ZNF469: variants seen among roughly 807,000 people sequenced by gnomAD.
ZNF469 encodes zinc finger protein 469.
Under a neutral mutation model 1.0 loss-of-function variants are expected in ZNF469, and 1 was observed. The ratio of observed to expected loss-of-function variants is 1.00; its 90% CI spans 0.35 to 4.73. ZNF469 has a LOEUF of 4.73. ZNF469 is among the 30% of genes most tolerant of loss of function. The pLI is 0.16. For synonymous variants in ZNF469, 2,703 were observed against 2,363.4 expected, an observed-to-expected ratio of 1.14 and a Z score of -4.17; for missense variants, 6,100 against 5,356.3, an observed-to-expected ratio of 1.14 and a Z score of -4.33.
chr16:88,401,589 A>G (rs1904862917), intron 1 of ZNF469, among the ~76,000 whole-genome samples: 1 of 100,658 alleles, frequency 9.9e-6, no homozygotes, highest in Non-Finnish European at 2.1e-5. Flanking sequence ...GTGGATGAAT[A>G]GGTAGATGGA....
the ZNF469 span, among the ~76,000 whole-genome samples, chr16:88,108,097 G>C: frequency 2.0e-5 from 3 of 151,634 alleles, no homozygotes; most frequent in Admixed American, 2.0e-4. Context: ...AAGGACATTT[G>C]CACGTCTGTG....
the ZNF469 span, among the ~76,000 whole-genome samples, chr16:88,184,260 T>G: frequency 0.014 from 2,125 of 152,064 alleles, 67 homozygotes; most frequent in African/African-American, 0.049. Flanking sequence ...TCACGGCAGC[T>G]TGGCACCCAG....
At chr16:88,239,493 T>G in the ZNF469 span, among the ~76,000 whole-genome samples, 1 of 139,142 alleles carries the variant, frequency 7.2e-6, no homozygotes, top group African/African-American at 2.8e-5. Flanking sequence ...TGGTCTCTCT[T>G]TTTTTTTTTT....
chr16:88,322,940 G>A, the ZNF469 span, among the ~76,000 whole-genome samples: 2 of 152,288 alleles, frequency 1.3e-5, no homozygotes, highest in South Asian at 4.1e-4. Context: ...ACAGCTCTCG[G>A]CTCCTCCTGT....
At chr16:88,401,028 A>G (rs1352255163) in intron 1 of ZNF469, among the ~76,000 whole-genome samples, 1 of 152,008 alleles carries the variant, frequency 6.6e-6, no homozygotes, top group African/African-American at 2.4e-5. Context: ...GTCCCCCACC[A>G]AGCCTGGCTC....
At chr16:88,341,370 G>T in the ZNF469 span, among the ~76,000 whole-genome samples, 4 of 152,176 alleles carry the variant, frequency 2.6e-5, no homozygotes, top group Non-Finnish European at 4.4e-5. Flanking sequence ...CCTGGTGGCT[G>T]CTGGGACTCA....
At chr16:88,231,280 G>T in the ZNF469 span, among the ~76,000 whole-genome samples, 1 of 152,202 alleles carries the variant, frequency 6.6e-6, no homozygotes, top group Admixed American at 6.5e-5. The surrounding 1 kb of genome is among the most constrained non-coding windows in gnomAD (Gnocchi z 4.5). Context: ...GGGCTTCACA[G>T]TGCTGAAAAG....
the ZNF469 span, among the ~76,000 whole-genome samples, chr16:88,248,083 G>A: frequency 5.3e-5 from 8 of 152,294 alleles, no homozygotes; most frequent in Admixed American, 1.3e-4. Flanking sequence ...CCACAGCCAG[G>A]TCAGAGACAG....
chr16:88,375,674 C>T, the ZNF469 span, among the ~76,000 whole-genome samples: 3 of 152,314 alleles, frequency 2.0e-5, no homozygotes, highest in East Asian at 1.9e-4. Context: ...TCCTGGGTGC[C>T]GGGCGCCATC....
chr16:88,108,346 G>A, the ZNF469 span, among the ~76,000 whole-genome samples: 14 of 152,288 alleles, frequency 9.2e-5, no homozygotes, highest in East Asian at 1.4e-3. Flanking sequence ...GTGGGACAGC[G>A]TGTCTGGGTC....
At chr16:88,143,588 G>C in the ZNF469 span, among the ~76,000 whole-genome samples, 1 of 152,232 alleles carries the variant, frequency 6.6e-6, no homozygotes, top group African/African-American at 2.4e-5. Context: ...GGAGAAGAAA[G>C]CCAGGAGGTG....
the ZNF469 span, among the ~76,000 whole-genome samples, chr16:88,376,384 G>A: frequency 6.6e-6 from 1 of 152,252 alleles, no homozygotes; most frequent in African/African-American, 2.4e-5. Context: ...GACGTCCGGG[G>A]TGAGAGGGGG....
the ZNF469 span, among the ~76,000 whole-genome samples, chr16:88,191,943 C>T: frequency 2.6e-4 from 39 of 152,198 alleles, 1 homozygote; most frequent in South Asian, 5.2e-3. Flanking sequence ...TAACACCCAG[C>T]GTGATGGTAT....
intron 1 of ZNF469, among the ~76,000 whole-genome samples, chr16:88,392,363 C>G (rs1013547114): frequency 1.3e-5 from 2 of 152,268 alleles, no homozygotes; most frequent in African/African-American, 4.8e-5. Context: ...TGCCAAACGC[C>G]TAGCGTAGGT....
At chr16:88,217,511 T>C in the ZNF469 span, among the ~76,000 whole-genome samples, 3 of 150,012 alleles carry the variant, frequency 2.0e-5, no homozygotes, top group Non-Finnish European at 3.0e-5. Context: ...TACATACGTA[T>C]ACATGTGCCA....
chr16:88,268,920 G>A, the ZNF469 span, among the ~76,000 whole-genome samples: 1 of 152,206 alleles, frequency 6.6e-6, no homozygotes, highest in African/African-American at 2.4e-5. Context: ...GGGATCCTTG[G>A]ACACATAGAG....
the ZNF469 span, among the ~76,000 whole-genome samples, chr16:88,213,773 G>A: frequency 6.6e-6 from 1 of 152,150 alleles, no homozygotes; most frequent in South Asian, 2.1e-4. Context: ...TGGCCTTGCT[G>A]TTTCTGGGGG....
chr16:88,437,220 G>A lies in ZNF469; in HGVS notation c.9750G>A (p.Gly3250=). 1 of 1,549,350 alleles carries A rather than the reference G, an allele frequency of 6.5e-7. No individual in the cohort carries two copies. Among genetic ancestry groups the A allele is most frequent in the Non-Finnish European group, 8.7e-7 (1 of 1,146,466 alleles). The change falls in exon 3 of 3, where the codon GGG becomes GGA. Residue 3250 remains glycine (G), a synonymous_variant. Coordinates refer to ENST00000565624, the MANE Select transcript of ZNF469 (RefSeq NM_001367624.2). ...AGCGCTCCGCCGGCAAGGCCGCCGGGAGCCCGGGAGACCCGTGGGGGCAAG... is the reference window on the plus strand; with the variant it reads ...AGCGCTCCGCCGGCAAGGCCGCCGGAAGCCCGGGAGACCCGTGGGGGCAAG... ...RGKRSAGKAA[G]SPGDPWGQEG...
chr16:88,189,707 G>A, the ZNF469 span, among the ~76,000 whole-genome samples: 3 of 152,200 alleles, frequency 2.0e-5, no homozygotes, highest in South Asian at 6.2e-4. The surrounding 1 kb of genome is among the most constrained non-coding windows in gnomAD (Gnocchi z 4.3). Flanking sequence ...ATCACCTGAG[G>A]TCAGGAGTTG....
Sources: allele counts gnomAD v4.1 joint callset (sites outside exome capture counted in the v4.1 genomes callset), GRCh38; gene constraint gnomAD v4.1.1; non-coding constraint Gnocchi (gnomAD v3.1); transcripts MANE v1.5; gene names NCBI Gene and HGNC (gene_info 2026-07-23, HGNC 2026-07-21).